DNAI4: variants seen among roughly 807,000 people sequenced by gnomAD.
The protein encoded by DNAI4 is WD repeat domain 78.
A neutral mutation model predicts 105.8 loss-of-function variants in DNAI4; 85 were observed. That is an observed-to-expected ratio of 0.80 (90% CI 0.67 to 0.96). The LOEUF (loss-of-function observed/expected upper bound fraction) is 0.96. DNAI4 is among the 40% of genes least tolerant of loss of function. The pLI, the probability that DNAI4 is intolerant of heterozygous loss-of-function variation, is 0.00. For synonymous variants in DNAI4, 352 were observed against 331.5 expected, an observed-to-expected ratio of 1.06 and a Z score of -0.67; for missense variants, 1,014 against 1,005.6, an observed-to-expected ratio of 1.01 and a Z score of -0.11.
chr1:66,902,800 G>A (rs1259344562), intron 2 of DNAI4, among the ~76,000 whole-genome samples: 3 of 152,184 alleles, frequency 2.0e-5, no homozygotes, highest in Non-Finnish European at 2.9e-5. Flanking sequence ...TGACAAAACT[G>A]TCTTTTCTCC....
At chr1:66,828,844 G>C (rs549754252) in intron 13 of DNAI4, among the ~76,000 whole-genome samples, 1 of 152,198 alleles carries the variant, frequency 6.6e-6, no homozygotes, top group South Asian at 2.1e-4. Flanking sequence ...CTTCTGAAAG[G>C]TTTTTGTGTA....
In DNAI4 at chr1:66,924,785, C is replaced by G. The variant is rs1886686; in HGVS notation, c.47G>C (p.Gly16Ala). 1,225,835 of 1,614,060 alleles carry G rather than the reference C, an allele frequency of 0.76. 468,132 individuals are homozygous for G. The highest frequency in any genetic ancestry group is 0.9 in the East Asian group (40,459 of 44,850). ...GAAGTCCCTGTACCCCCAAGCTCCT[C>G]CGTTAGCGGCTCGGGCCGAGGCTCC... ...HSGASARAAN[G>A]GAWGYRDFRG... Residue 16 changes from glycine to alanine, a missense_variant, in exon 1 of 17, where the codon GGA (glycine) becomes GCA (alanine). Transcript: ENST00000371026.
intron 1 of DNAI4, among the ~76,000 whole-genome samples, chr1:66,915,483 A>G (rs1047405756): frequency 2.0e-5 from 3 of 152,252 alleles, no homozygotes; most frequent in African/African-American, 7.2e-5. Flanking sequence ...CATAGGTCAT[A>G]TAGGTAAACA....
At chr1:66,891,952 T>G (rs530788482) in intron 3 of DNAI4, among the ~76,000 whole-genome samples, 19 of 152,338 alleles carry the variant, frequency 1.2e-4, no homozygotes, top group Admixed American at 4.6e-4. Flanking sequence ...CTTCAGAGCC[T>G]CAGCCTGGAA....
At chr1:66,913,342 G>A (rs1649801114) in intron 1 of DNAI4, among the ~76,000 whole-genome samples, 1 of 152,182 alleles carries the variant, frequency 6.6e-6, no homozygotes, top group Non-Finnish European at 1.5e-5. Flanking sequence ...GTTCAAAGAT[G>A]CATTCTACAA....
rs1197959131 is a variant in DNAI4 at position 66,862,057 on chromosome 1, G to C, written c.1096+90C>G. 1.9e-5 allele frequency: 24 copies of C among 1,269,316 alleles called. No homozygotes were observed. In the Admixed American group the frequency reaches 6.3e-4, roughly 33 times the overall value. The allele number at this position is 1,269,316 out of a possible 1,614,324, so 78.6% of individuals were successfully genotyped here. ...AAGTTGTACTTTTCATGGTCCATTA[G>C]AAAGAAAACATTGTTAACTGCCAAA... On this transcript the variant is annotated intron_variant, in intron 7 of 16. Transcript: ENST00000371026.
intron 2 of DNAI4, among the ~76,000 whole-genome samples, chr1:66,894,135 T>C (rs944740109): frequency 1.3e-5 from 2 of 152,166 alleles, no homozygotes; most frequent in African/African-American, 2.4e-5. Context: ...CTTAAAAAAA[T>C]AGTTAACTGT....
intron 16 of DNAI4, among the ~76,000 whole-genome samples, chr1:66,818,344 T>A (rs534260162): frequency 1.3e-5 from 2 of 151,950 alleles, no homozygotes; most frequent in Non-Finnish European, 2.9e-5. Flanking sequence ...TGTTTGTCCA[T>A]AAGAAAATTG....
rs1646844540 is a variant in DNAI4, at chr1:66,871,464, G to A, written c.846C>T (p.Gly282=). Residue 282 remains glycine (G), a synonymous_variant, in exon 6 of 17, where the codon GGC becomes GGT. Transcript: ENST00000371026. ...TCATCCTTTCAACATATAGGTCATT[G>A]CCTAATCTGTTTCTACAAAGGACTT... The part of the protein sequence containing the change: ...NYEVLCRNRL[G]NDLYVERMMQ... 5 of 1,609,204 alleles carry A rather than the reference G, an allele frequency of 3.1e-6. No individual in the cohort carries two copies. Among genetic ancestry groups the A allele is most frequent in the Non-Finnish European group, 4.2e-6 (5 of 1,177,848 alleles).
intron 6 of DNAI4, among the ~76,000 whole-genome samples, chr1:66,866,369 G>A (rs545050064): frequency 1.3e-5 from 2 of 152,040 alleles, no homozygotes; most frequent in South Asian, 2.1e-4. Flanking sequence ...AATTCAGACC[G>A]ATAATGTACC....
At chr1:66,920,523 T>C (rs897215518) in intron 1 of DNAI4, among the ~76,000 whole-genome samples, 29 of 152,098 alleles carry the variant, frequency 1.9e-4, no homozygotes, top group African/African-American at 6.3e-4. Flanking sequence ...TTGGGCATCG[T>C]GGATACCCTC....
chr1:66,858,926 A>G (rs898909336), intron 7 of DNAI4, among the ~76,000 whole-genome samples: 7 of 152,164 alleles, frequency 4.6e-5, no homozygotes, highest in Admixed American at 4.6e-4. Flanking sequence ...CACACAGGAG[A>G]AAATGGTGAT....
chr1:66,887,098 G>C (rs1056662873), intron 4 of DNAI4, among the ~76,000 whole-genome samples: 1 of 151,934 alleles, frequency 6.6e-6, no homozygotes, highest in Non-Finnish European at 1.5e-5. Context: ...GAATCCACTG[G>C]ATTCCTAGAA....
intron 8 of DNAI4, among the ~76,000 whole-genome samples, chr1:66,841,464 C>A (rs1646146515): frequency 6.6e-6 from 1 of 152,202 alleles, no homozygotes; most frequent in Admixed American, 6.5e-5. Context: ...CAATTGGAGT[C>A]ACCAACTGGT....
intron 1 of DNAI4, 37 bp from the exon 2 acceptor site, chr1:66,905,412 A>C: frequency 7.6e-7 from 1 of 1,323,698 alleles, no homozygotes; most frequent in Non-Finnish European, 9.9e-7. Context: ...CAAAGGATTC[A>C]AGATTGAAAA....
In DNAI4 at chr1:66,905,189, T is replaced by C; in HGVS notation, c.345+12A>G. On this transcript the variant is annotated intron_variant, in intron 2 of 16. Coordinates refer to ENST00000371026, the MANE Select transcript of DNAI4 (RefSeq NM_024763.5). ...CCATTTTCAAATAAACTCAGAATTC[T>C]AAGAATATTACCTGTGTTGTCTTTA... The C allele has an allele frequency of 6.8e-7, 1 of 1,466,880 alleles. No homozygotes were observed. The highest frequency in any genetic ancestry group is 9.1e-7 in the Non-Finnish European group (1 of 1,093,076). 90.9% of individuals were successfully genotyped at this position (1,466,880 alleles called of 1,614,324 possible).
intron 6 of DNAI4, among the ~76,000 whole-genome samples, chr1:66,865,249 C>T (rs1646708658): frequency 6.6e-6 from 1 of 151,990 alleles, no homozygotes; most frequent in African/African-American, 2.4e-5. Flanking sequence ...ATGGTGAAAA[C>T]CCCATCTCTA....
At chr1:66,832,965 C>CTA (rs771177587) in intron 13 of DNAI4, among the ~76,000 whole-genome samples, 1 of 152,242 alleles carries the variant, frequency 6.6e-6, no homozygotes, top group Non-Finnish European at 1.5e-5. Context: ...ATGTAGAAGA[C>CTA]TATATACAAG....
At chr1:66,882,317 A>G (rs897953146) in intron 4 of DNAI4, among the ~76,000 whole-genome samples, 3 of 152,218 alleles carry the variant, frequency 2.0e-5, no homozygotes, top group African/African-American at 4.8e-5. Context: ...AAATTTTTAA[A>G]AAGTCCAATT....
Sources: gnomAD v4.1 joint callset for allele counts (sites outside exome capture counted in the v4.1 genomes callset) on GRCh38, gnomAD v4.1.1 for gene constraint, MANE v1.5 for transcripts, NCBI Gene and HGNC (gene_info 2026-07-23, HGNC 2026-07-21) for gene names.